LTBP3: variants seen among roughly 807,000 people sequenced by gnomAD.
The protein encoded by LTBP3 is latent transforming growth factor beta binding protein 3, also known as latent-transforming growth factor beta-binding protein 3.
Under a neutral mutation model 159.7 loss-of-function variants are expected in LTBP3, and 97 were observed. That is an observed-to-expected ratio of 0.61 (90% CI 0.52 to 0.72). The LOEUF (loss-of-function observed/expected upper bound fraction) is 0.72, where lower values mean the gene tolerates loss of function less well. Among genes scored for constraint, LTBP3 ranks in the 30% least tolerant of loss-of-function variants. The pLI, the probability that LTBP3 is intolerant of heterozygous loss-of-function variation, is 0.00. For missense variants in LTBP3, 1,584 were observed against 1,864.3 expected (o/e 0.85, Z 2.77); for synonymous variants, 824 against 777.1 (o/e 1.06, Z -1.00).
intron 11 of LTBP3, among the ~76,000 whole-genome samples, chr11:65,549,888 C>T (rs1856536545): frequency 2.0e-5 from 3 of 151,512 alleles, no homozygotes; most frequent in African/African-American, 7.3e-5. Flanking sequence ...GCCACTGACT[C>T]CAGCCTAGGT....
intron 21 of LTBP3, 89 bp from the exon 22 acceptor site, chr11:65,540,703 C>CGGGCGGGGCCTACCGGAG: frequency 1.1e-5 from 14 of 1,243,460 alleles, no homozygotes; most frequent in Admixed American, 1.8e-5. Flanking sequence ...AAGCCATCCC[C>CGGGCGGGGCCTACCGGAG]GGGCGGGGCC....
rs1186115298 is a variant in LTBP3, at chr11:65,540,231, G to T, written c.3244+14C>A. 2 of 1,548,374 alleles carry T rather than the reference G, an allele frequency of 1.3e-6. No individual in the cohort carries two copies. The highest frequency in any genetic ancestry group is 3.9e-5 in the Admixed American group (2 of 50,976). On this transcript the variant is annotated intron_variant, in intron 23 of 27. Transcript: ENST00000301873. ...GCCCCTCCCGCGTACCCCACTCCCCGGCCCGGGCCTCACCCATCTCTTCCG... is the reference window on the plus strand; with the variant it reads ...GCCCCTCCCGCGTACCCCACTCCCCTGCCCGGGCCTCACCCATCTCTTCCG...
In LTBP3 at chr11:65,552,458, T is replaced by C. The variant is rs372814465; in HGVS notation, c.1187-52A>G. 2 of 1,601,504 alleles carry C rather than the reference T, an allele frequency of 1.2e-6. No individual in the cohort carries two copies. Among genetic ancestry groups the C allele is most frequent in the Non-Finnish European group, 1.7e-6 (2 of 1,177,130 alleles). ...CATCTGAGCCTGCACATTGCCCACG[T>C]CCCTCTGCCCAGCTGCTGCAGACCT... is the stretch of plus-strand genomic sequence containing the variant. On this transcript the variant is annotated intron_variant, in intron 6 of 27. Coordinates refer to ENST00000301873, the MANE Select transcript of LTBP3 (RefSeq NM_001130144.3). The surrounding 1 kb of genome is among the most constrained non-coding windows in gnomAD (Gnocchi z 6.0).
chr11:65,558,025 G>A lies in LTBP3; in HGVS notation c.-66C>T. The A allele has an allele frequency of 9.2e-7, 1 of 1,086,864 alleles. No individual in the cohort carries two copies. The highest frequency in any genetic ancestry group is 1.1e-6 in the Non-Finnish European group (1 of 894,472). 67.3% of individuals were successfully genotyped at this position (1,086,864 alleles called of 1,614,324 possible). On this transcript the variant is annotated 5_prime_UTR_variant, in exon 1 of 28. Transcript: ENST00000301873. Reference sequence around the variant, plus strand: ...CGGGGCGAGGGGCCCGCGCCCGAAGGGAGTAGAGGGCCGGGAGCCCCGGGA... The same window carrying A: ...CGGGGCGAGGGGCCCGCGCCCGAAGAGAGTAGAGGGCCGGGAGCCCCGGGA...
intron 11 of LTBP3, chr11:65,548,428 T>C (rs146064136): frequency 2.6e-4 from 120 of 465,278 alleles, no homozygotes; most frequent in African/African-American, 2.1e-3. Context: ...CCTTAAACTC[T>C]ATAGCCTCGG....
intron 19 of LTBP3, 37 bp downstream of exon 19, chr11:65,541,562 GT>G (rs773318349): frequency 1.2e-6 from 2 of 1,613,882 alleles, no homozygotes; most frequent in African/African-American, 2.7e-5. Context: ...GCTCAGGGGA[GT>G]TGTCCAGTCC....
chr11:65,543,185 C>A lies in LTBP3; in HGVS notation c.2516G>T (p.Gly839Val), dbSNP rs1856229058. 3 of 1,614,084 alleles carry A rather than the reference C, an allele frequency of 1.9e-6. No individual in the cohort carries two copies. Among genetic ancestry groups the A allele is most frequent in the East Asian group, 2.2e-5 (1 of 44,888 alleles). ...GGAGCCATTGGTATTGATGCAGTCACCCCCAATGCAGGCTGCAGGGAAGTC... is the reference window on the plus strand; with the variant it reads ...GGAGCCATTGGTATTGATGCAGTCAACCCCAATGCAGGCTGCAGGGAAGTC... ...ECDFPAACIG[G>V]DCINTNGSYR... The change falls in exon 18 of 28, where the codon GGT becomes GTT. Residue 839 changes from glycine (G) to valine (V), a missense_variant. This residue lies in a region of LTBP3 where 565 missense variants were observed against 677.7 expected (regional missense o/e 0.83). Transcript: ENST00000301873.
chr11:65,550,684 C>A (rs1050229732), intron 11 of LTBP3, among the ~76,000 whole-genome samples: 1 of 149,312 alleles, frequency 6.7e-6, no homozygotes, highest in Non-Finnish European at 1.5e-5. Flanking sequence ...ATTAGCTGGA[C>A]GTGGTGGCGC....
At chr11:65,550,521 A>C (rs745574762) in intron 11 of LTBP3, among the ~76,000 whole-genome samples, 4 of 152,088 alleles carry the variant, frequency 2.6e-5, no homozygotes, top group Non-Finnish European at 5.9e-5. Context: ...GGCTTTCTGA[A>C]CAGATTTTGA....
Position 65,546,614 on chromosome 11 carries a change from C to T in LTBP3, c.2231-50G>A, listed in dbSNP as rs373882114. On this transcript the variant is annotated intron_variant, in intron 15 of 27. Transcript: ENST00000301873. This position sits in a 1 kb window ranked among gnomAD's most constrained non-coding sequence, Gnocchi z 4.0. ...GACTCTGCCCCACCGGAAGGCGGAC[C>T]GCGCACCTCGCGGGGGTGTGGGTCT... 93 of 1,596,300 alleles carry T rather than the reference C, an allele frequency of 5.8e-5. No individual in the cohort carries two copies. Among genetic ancestry groups the T allele is most frequent in the Non-Finnish European group, 7.6e-5 (90 of 1,178,888 alleles).
At position 65,553,733 on chromosome 11, in the gene LTBP3, G is replaced by A. The variant is rs1856698655; in HGVS notation, c.832C>T (p.Arg278Cys). 1.9e-6 allele frequency: 3 copies of A among 1,579,444 alleles called. No individual in the cohort carries two copies. Among genetic ancestry groups the A allele is most frequent in the Non-Finnish European group, 2.6e-6 (3 of 1,170,606 alleles). ...TTGGGCAGAGTGTCCTGAAAGCAGCGGCCCAGGGGCTTCTGGGTGGGCGGC... is the reference window on the plus strand; with the variant it reads ...TTGGGCAGAGTGTCCTGAAAGCAGCAGCCCAGGGGCTTCTGGGTGGGCGGC... Reference protein sequence around the residue: ...PRPPTQKPLGRCFQDTLPKQP... With the variant: ...PRPPTQKPLGCCFQDTLPKQP... Residue 278 changes from arginine to cysteine, a missense_variant, in exon 3 of 28, where the codon CGC becomes TGC. Physicochemically the swap from Arg to Cys is radical, Grantham distance 180 (BLOSUM62 -3). Around this residue, in one of 6 missense-constraint regions of LTBP3, gnomAD observed 194 missense variants for 198.7 expected, o/e 0.98. Transcript: ENST00000301873. This position sits in a 1 kb window ranked among gnomAD's most constrained non-coding sequence, Gnocchi z 6.5.
rs551522678 is a variant in LTBP3 at position 65,547,902 on chromosome 11, C to T, written c.1846+18G>A. 6.2e-7 allele frequency: 1 copy of T among 1,613,566 alleles called. No homozygotes were observed. Among genetic ancestry groups the T allele is most frequent in the Admixed American group, 1.7e-5 (1 of 60,024 alleles). ...CCCCCCCACCCACCTGCATGCCCGC[C>T]GCCTGCCCTGCGCTCACCCACGCAG... On this transcript the variant is annotated intron_variant, in intron 12 of 27. Transcript: ENST00000301873. This position sits in a 1 kb window ranked among gnomAD's most constrained non-coding sequence, Gnocchi z 4.6.
chr11:65,548,167 A>G (rs1460238436), intron 11 of LTBP3, 122 bp from the exon 12 acceptor site: 1 of 1,389,382 alleles, frequency 7.2e-7, no homozygotes. Context: ...CCATACTCCA[A>G]CTCCAGGATG....
Position 65,552,546 on chromosome 11 carries a change from A to C in LTBP3, c.1187-140T>G, listed in dbSNP as rs1856650353. ...GGTCTCTGACCCCATATGACCCTGA[A>C]CTCATGTGACCCCTGAAACTTATGT... On this transcript the variant is annotated intron_variant, in intron 6 of 27. Transcript: ENST00000301873. This position sits in a 1 kb window ranked among gnomAD's most constrained non-coding sequence, Gnocchi z 6.0. 3.7e-6 allele frequency: 4 copies of C among 1,075,192 alleles called. No homozygotes were observed. Among genetic ancestry groups the C allele is most frequent in the Non-Finnish European group, 5.4e-6 (4 of 741,520 alleles). 66.6% of individuals were successfully genotyped at this position (1,075,192 alleles called of 1,614,324 possible).
rs766257785 is a variant in LTBP3 at position 65,553,420 on chromosome 11, C to T, written c.970+5G>A. ...AGGGAACGCCCCCTGAGCCCAAGCA[C>T]TCACACTGCAGCTGGGGACACTTGT... is the stretch of plus-strand genomic sequence containing the variant. On this transcript the variant is annotated splice_donor_5th_base_variant and intron_variant, in intron 4 of 27. Transcript: ENST00000301873. The surrounding 1 kb of genome is among the most constrained non-coding windows in gnomAD (Gnocchi z 6.5). 1.9e-6 allele frequency: 3 copies of T among 1,610,858 alleles called. No homozygotes were observed. Among genetic ancestry groups the T allele is most frequent in the Non-Finnish European group, 2.5e-6 (3 of 1,178,902 alleles).
chr11:65,544,796 A>C (rs1250851754), intron 16 of LTBP3: 1 of 152,966 alleles, frequency 6.5e-6, no homozygotes, highest in Non-Finnish European at 1.5e-5. Flanking sequence ...ACAGCAAGAG[A>C]TGTCCCTTCC....
At chr11:65,543,048 T>G (rs1856222664) in intron 18 of LTBP3, 57 bp downstream of exon 18, 1 of 1,608,544 alleles carries the variant, frequency 6.2e-7, no homozygotes, top group African/African-American at 1.3e-5. Flanking sequence ...ACAGTGTGTC[T>G]AGGGAATTAC....
Position 65,554,647 on chromosome 11 carries a change from G to A in LTBP3, c.332-267C>T, listed in dbSNP as rs1486107044. 2.0e-5 allele frequency among the ~76,000 whole-genome samples: 3 copies of A among 152,036 alleles called. No individual in the cohort carries two copies. The highest frequency in any genetic ancestry group is 6.5e-5 in the Admixed American group (1 of 15,278). ...TCACGTCCCCTCCCTGTGCCCCAGC[G>A]TCCTCATCTGTAGAGATGTGTGGGT... On this transcript the variant is annotated intron_variant, in intron 1 of 27. Coordinates refer to ENST00000301873, the MANE Select transcript of LTBP3 (RefSeq NM_001130144.3). The surrounding 1 kb of genome is among the most constrained non-coding windows in gnomAD (Gnocchi z 5.3).
intron 21 of LTBP3, 51 bp downstream of exon 21, chr11:65,540,820 C>T: frequency 6.4e-7 from 1 of 1,564,812 alleles, no homozygotes; most frequent in Non-Finnish European, 8.7e-7. Flanking sequence ...TCCGGGCGAG[C>T]CCAACCCGGG....
Sources: gnomAD v4.1 joint callset for allele counts (sites outside exome capture counted in the v4.1 genomes callset) on GRCh38, gnomAD v4.1.1 for gene constraint, gnomAD v4.1.1 regional missense constraint, Gnocchi (gnomAD v3.1) non-coding constraint, MANE v1.5 for transcripts, NCBI Gene and HGNC (gene_info 2026-07-23, HGNC 2026-07-21) for gene names.